The following ACOT1 variants were observed in gnomAD, a reference collection of about 807,000 sequenced individuals.
ACOT1 encodes the protein acyl-coenzyme A thioesterase 1.
In ACOT1, 8 loss-of-function variants were observed where a neutral mutation model predicts 15.7. The observed-to-expected ratio is 0.51, with a 90% CI of 0.30 to 0.92. The LOEUF (loss-of-function observed/expected upper bound fraction) is 0.92. Among genes scored for constraint, ACOT1 ranks in the 40% least tolerant of loss-of-function variants. The pLI is 0.06. For missense variants in ACOT1, 151 were observed against 539.4 expected (o/e 0.28, Z 7.13); for synonymous variants, 67 against 241.2 (o/e 0.28, Z 6.69).
At chr14:73,508,603 G>T in the ACOT1 span, among the ~76,000 whole-genome samples, 7 of 151,978 alleles carry the variant, frequency 4.6e-5, no homozygotes, top group African/African-American at 1.7e-4. Context: ...ACAAAAATCA[G>T]CCAGGCGTGG....
chr14:73,502,455 T>C, the ACOT1 span, among the ~76,000 whole-genome samples: 1 of 152,256 alleles, frequency 6.6e-6, no homozygotes, highest in Non-Finnish European at 1.5e-5. Context: ...ACATTGTTAG[T>C]TTGTAGGGAC....
At chr14:73,497,142 C>T in the ACOT1 span, among the ~76,000 whole-genome samples, 8 of 149,344 alleles carry the variant, frequency 5.4e-5, no homozygotes, top group Non-Finnish European at 1.0e-4. Context: ...GTGATCCACC[C>T]GCCTTGGCCT....
chr14:73,527,961 C>CAAAA, the ACOT1 span, among the ~76,000 whole-genome samples: 1 of 52,676 alleles, frequency 1.9e-5, no homozygotes, highest in East Asian at 6.2e-4. Context: ...AACTCCATCT[C>CAAAA]AAAAAAAAAA....
the ACOT1 span, chr14:73,519,090 G>C: frequency 4.6e-3 from 7,413 of 1,613,980 alleles, 328 homozygotes; most frequent in African/African-American, 0.088. Context: ...ATAGCTGCTT[G>C]TTGTACCGAT....
chr14:73,491,709 G>A, the ACOT1 span: 1 of 1,550,336 alleles, frequency 6.5e-7, no homozygotes, highest in Non-Finnish European at 8.7e-7. Flanking sequence ...GTGCTGGTGC[G>A]GCGGCAGGAC....
the ACOT1 span, among the ~76,000 whole-genome samples, chr14:73,524,310 A>AAAATATAT: frequency 5.5e-4 from 30 of 54,772 alleles, no homozygotes; most frequent in Admixed American, 1.4e-3. Context: ...AAAAAAAAAA[A>AAAATATAT]ATATATATAT....
At chr14:73,491,163 G>C in the ACOT1 span, 4 of 1,603,704 alleles carry the variant, frequency 2.5e-6, no homozygotes, top group Non-Finnish European at 3.4e-6. Flanking sequence ...GTTGTATCCC[G>C]CATGGCAGCG....
intron 1 of ACOT1, among the ~76,000 whole-genome samples, chr14:73,540,955 T>C (rs1338237384): frequency 4.3e-5 from 5 of 115,730 alleles, no homozygotes; most frequent in African/African-American, 1.4e-4. Context: ...TTGGCCAGGC[T>C]GGTCTCGAAC....
At chr14:73,522,140 G>T in the ACOT1 span, 2 of 933,438 alleles carry the variant, frequency 2.1e-6, no homozygotes, top group Non-Finnish European at 3.3e-6. Context: ...CTCTCAGAGA[G>T]CAGGCCGGTG....
At chr14:73,509,634 G>A in the ACOT1 span, among the ~76,000 whole-genome samples, 1 of 151,304 alleles carries the variant, frequency 6.6e-6, no homozygotes, top group African/African-American at 2.4e-5. Flanking sequence ...AGATGGGCAG[G>A]ATTTTCTGCT....
the ACOT1 span, among the ~76,000 whole-genome samples, chr14:73,513,875 C>A: frequency 6.6e-6 from 1 of 151,878 alleles, no homozygotes; most frequent in East Asian, 1.9e-4. Flanking sequence ...ATCTAACACC[C>A]AATGTGTGAA....
the ACOT1 span, among the ~76,000 whole-genome samples, chr14:73,510,147 C>T: frequency 2.6e-5 from 4 of 151,798 alleles, no homozygotes; most frequent in African/African-American, 9.7e-5. Context: ...AGACGTGTGC[C>T]ACCGCCCCCA....
At chr14:73,526,450 C>A in the ACOT1 span, among the ~76,000 whole-genome samples, 9 of 152,220 alleles carry the variant, frequency 5.9e-5, no homozygotes, top group Admixed American at 3.9e-4. Flanking sequence ...CCGCGTGTGA[C>A]ACCAACTGTG....
the ACOT1 span, chr14:73,491,209 G>A: frequency 2.5e-6 from 4 of 1,594,388 alleles, no homozygotes; most frequent in Admixed American, 5.2e-5. Flanking sequence ...AGAACTCGGA[G>A]GAATCGAGGG....
chr14:73,493,433 G>A, the ACOT1 span: 1 of 291,872 alleles, frequency 3.4e-6, no homozygotes, highest in Non-Finnish European at 6.8e-6. Context: ...GGGATGGTTC[G>A]AAGAAATGCA....
At chr14:73,502,658 C>T in the ACOT1 span, among the ~76,000 whole-genome samples, 2 of 152,162 alleles carry the variant, frequency 1.3e-5, no homozygotes, top group Non-Finnish European at 2.9e-5. Flanking sequence ...AGCGATTCTC[C>T]TGTCTCAGCC....
chr14:73,499,143 G>GTTGAGTGGAAT, the ACOT1 span: 1 of 1,613,936 alleles, frequency 6.2e-7, no homozygotes, highest in Non-Finnish European at 8.5e-7. Context: ...TCAAGCACCT[G>GTTGAGTGGAAT]GGATGGAAAA....
chr14:73,501,569 C>CTTTT, the ACOT1 span, among the ~76,000 whole-genome samples: 26 of 108,132 alleles, frequency 2.4e-4, no homozygotes, highest in African/African-American at 6.3e-4. Context: ...GTCTCTCTCT[C>CTTTT]TTTTTTTTTT....
chr14:73,502,214 C>T, the ACOT1 span, among the ~76,000 whole-genome samples: 439 of 152,118 alleles, frequency 2.9e-3, no homozygotes, highest in Non-Finnish European at 5.0e-3. Context: ...TCTTATCCAC[C>T]CTCTGTGAAA....
Sources: gnomAD v4.1 joint callset for allele counts (sites outside exome capture counted in the v4.1 genomes callset) on GRCh38, gnomAD v4.1.1 for gene constraint, MANE v1.5 for transcripts, NCBI Gene and HGNC (gene_info 2026-07-23, HGNC 2026-07-21) for gene names.